DDI2: variants seen among roughly 807,000 people sequenced by gnomAD.
DDI2 encodes the protein DDI proteasomal shuttling factor 2.
In DDI2, 5 loss-of-function variants were observed where a neutral mutation model predicts 48.1. The ratio of observed to expected loss-of-function variants is 0.10; its 90% CI spans 0.05 to 0.22. The LOEUF is 0.22. Among genes scored for constraint, DDI2 ranks in the 10% least tolerant of loss-of-function variants. DDI2 has a pLI of 1.00. For missense variants in DDI2, 285 were observed against 506.2 expected, an observed-to-expected ratio of 0.56 and a Z score of 4.19; for synonymous variants, 205 against 183.6, an observed-to-expected ratio of 1.12 and a Z score of -0.94.
At chr1:15,627,541 G>A (rs1012712208) in intron 2 of DDI2, among the ~76,000 whole-genome samples, 1 of 152,142 alleles carries the variant, frequency 6.6e-6, no homozygotes, top group Non-Finnish European at 1.5e-5. Context: ...GATTTAGTAG[G>A]TTCTATGTCA....
At position 15,667,480 on chromosome 1, in the gene DDI2, C is replaced by T. The variant is rs927408569; in HGVS notation, c.*7690C>T. ...CATCCCTTTGTGAGCACGGCTGCTC[C>T]GGAATACTGACCATCTGGGCTAGCA... On this transcript the variant is annotated 3_prime_UTR_variant, in exon 10 of 10. Transcript: ENST00000480945. 5.3e-5 allele frequency: 8 copies of T among 152,222 alleles called. No homozygotes were observed. The highest frequency in any genetic ancestry group is 9.7e-5 in the African/African-American group (4 of 41,442). The allele number at this position is 152,222 out of a possible 1,614,324, so 9.4% of individuals were successfully genotyped here.
At chr1:15,634,700 T>G (rs748202081) in intron 4 of DDI2, among the ~76,000 whole-genome samples, 3 of 151,772 alleles carry the variant, frequency 2.0e-5, no homozygotes, top group Non-Finnish European at 4.4e-5. Flanking sequence ...CCCAGCTAAT[T>G]TTTTCATTTT....
In DDI2 at chr1:15,666,925, T is replaced by C. The variant is rs1269267799; in HGVS notation, c.*7135T>C. 2.6e-5 allele frequency: 4 copies of C among 152,198 alleles called. No homozygotes were observed. The highest frequency in any genetic ancestry group is 5.9e-5 in the Non-Finnish European group (4 of 68,046). 9.4% of individuals were successfully genotyped at this position (152,198 alleles called of 1,614,324 possible). A position where few individuals can be genotyped will look rare whatever the true frequency, so the allele number is the denominator to read the frequency against. On this transcript the variant is annotated 3_prime_UTR_variant, in exon 10 of 10. Transcript: ENST00000480945. ...AAACAGCTCTTTAAAAATCTATTTTTTTAGGCCAGGTGCGTTGGCTCACAC... is the reference window on the plus strand; with the variant it reads ...AAACAGCTCTTTAAAAATCTATTTTCTTAGGCCAGGTGCGTTGGCTCACAC...
chr1:15,623,557 C>CTTATTATTATTATTA (rs202147595), intron 1 of DDI2, among the ~76,000 whole-genome samples: 1,445 of 84,056 alleles, frequency 0.017, 24 homozygotes, highest in African/African-American at 0.054. Context: ...CCATGCCTGG[C>CTTATTATTATTATTA]TTATTATTAT....
chr1:15,634,658 A>G (rs1478008611), intron 4 of DDI2, among the ~76,000 whole-genome samples: 2 of 149,864 alleles, frequency 1.3e-5, no homozygotes, highest in African/African-American at 2.5e-5. Flanking sequence ...TAGCCTCCCG[A>G]ATAGCTGGGA....
intron 8 of DDI2, among the ~76,000 whole-genome samples, chr1:15,652,129 G>A (rs1430488038): frequency 7.2e-6 from 1 of 138,800 alleles, no homozygotes; most frequent in Admixed American, 7.6e-5. Flanking sequence ...GCAGTGTGCA[G>A]TGTGACATGA....
At chr1:15,656,758 A>T in intron 9 of DDI2, 79 bp downstream of exon 9, 1 of 1,591,642 alleles carries the variant, frequency 6.3e-7, no homozygotes, top group Non-Finnish European at 8.6e-7. Flanking sequence ...GCAGTTTGGG[A>T]AGTTAGCATT....
intron 6 of DDI2, among the ~76,000 whole-genome samples, chr1:15,649,080 T>C (rs1251986384): frequency 6.6e-6 from 1 of 151,926 alleles, no homozygotes; most frequent in Non-Finnish European, 1.5e-5. Context: ...CAAAAAGTTT[T>C]TGGCTGGGTG....
At chr1:15,647,462 A>G (rs918728904) in intron 6 of DDI2, among the ~76,000 whole-genome samples, 1 of 151,978 alleles carries the variant, frequency 6.6e-6, no homozygotes, top group African/African-American at 2.4e-5. Flanking sequence ...GATGTTTCCT[A>G]TTAGAACATG....
rs1294418413 is a variant in DDI2 at position 15,666,092 on chromosome 1, T to C, written c.*6302T>C. The C allele has an allele frequency of 2.0e-5, 3 of 152,182 alleles. No homozygotes were observed. Among genetic ancestry groups the C allele is most frequent in the African/African-American group, 7.2e-5 (3 of 41,440 alleles). The allele number at this position is 152,182 out of a possible 1,614,324, so 9.4% of individuals were successfully genotyped here. ...AAAATAAAAATAGCTTTTTTTTCCC[T>C]AGAATTGCTAATTACTCTTAACAAC... On this transcript the variant is annotated 3_prime_UTR_variant, in exon 10 of 10. Transcript: ENST00000480945.
chr1:15,660,119 C>T lies in DDI2; in HGVS notation c.*329C>T. ...GATCTTTCTGATCATGCTTCCTCAG[C>T]AGACCATGCTCCAACAGACCAGAGT... On this transcript the variant is annotated 3_prime_UTR_variant, in exon 10 of 10. Transcript: ENST00000480945. 1 of 1,614,210 alleles carries T rather than the reference C, an allele frequency of 6.2e-7. No individual in the cohort carries two copies. Among genetic ancestry groups the T allele is most frequent in the Non-Finnish European group, 8.5e-7 (1 of 1,180,040 alleles).
chr1:15,617,542 G>C lies in DDI2; in HGVS notation c.-129G>C. The C allele has an allele frequency of 1.4e-6, 1 of 694,920 alleles. No individual in the cohort carries two copies. The highest frequency in any genetic ancestry group is 2.0e-6 in the Non-Finnish European group (1 of 500,226). 43.0% of individuals were successfully genotyped at this position (694,920 alleles called of 1,614,324 possible). ...ACTCACTGAGCGTGTGTGAGGGAGG[G>C]AGCGAGCGAGCGAACGAGCAGCCGG... is the stretch of plus-strand genomic sequence containing the variant. On this transcript the variant is annotated 5_prime_UTR_variant, in exon 1 of 10. Coordinates refer to ENST00000480945, the MANE Select transcript of DDI2 (RefSeq NM_032341.5).
chr1:15,661,787 C>T lies in DDI2; in HGVS notation c.*1997C>T. The T allele has an allele frequency of 2.0e-6, 3 of 1,514,064 alleles. No homozygotes were observed. Among genetic ancestry groups the T allele is most frequent in the South Asian group, 1.3e-5 (1 of 74,740 alleles). The allele number at this position is 1,514,064 out of a possible 1,614,324, so 93.8% of individuals were successfully genotyped here. ...AACAAAAGAAAGCTCTCTCTATATA[C>T]ACGCACACATACACACTCACCACAT... is the stretch of plus-strand genomic sequence containing the variant. On this transcript the variant is annotated 3_prime_UTR_variant, in exon 10 of 10. Coordinates refer to ENST00000480945, the MANE Select transcript of DDI2 (RefSeq NM_032341.5).
chr1:15,643,289 G>A (rs1640039050), intron 5 of DDI2, among the ~76,000 whole-genome samples: 1 of 152,160 alleles, frequency 6.6e-6, no homozygotes, highest in Admixed American at 6.5e-5. Flanking sequence ...TTATTGCATC[G>A]CTACAGAATA....
chr1:15,633,645 C>T (rs1639882045), intron 4 of DDI2, 80 bp downstream of exon 4: 46 of 1,581,172 alleles, frequency 2.9e-5, no homozygotes, highest in Non-Finnish European at 3.5e-5. Context: ...ATTGGTTGGG[C>T]ATCTGCTTGG....
At chr1:15,641,243 G>A (rs1321992378) in intron 5 of DDI2, among the ~76,000 whole-genome samples, 1 of 151,150 alleles carries the variant, frequency 6.6e-6, no homozygotes, top group Non-Finnish European at 1.5e-5. Context: ...AGGCTGAGGC[G>A]GGTAGACCAT....
In DDI2 at chr1:15,633,952, C is replaced by T. The variant is rs542972069; in HGVS notation, c.632+387C>T. ...CTTTCTTTAGACATATTGTATAAGT[C>T]CTGATTAAATCCAGGGCTTAAACAT... is the stretch of plus-strand genomic sequence containing the variant. On this transcript the variant is annotated intron_variant, in intron 4 of 9. Coordinates refer to ENST00000480945, the MANE Select transcript of DDI2 (RefSeq NM_032341.5). The T allele has an allele frequency of 1.9e-4, 73 of 388,536 alleles. 1 individual carries two copies. The Middle Eastern group carries it at 4.0e-3, about 21-fold the overall frequency. 24.1% of individuals were successfully genotyped at this position (388,536 alleles called of 1,614,324 possible).
chr1:15,626,604 C>T, intron 1 of DDI2, 65 bp from the exon 2 acceptor site: 3 of 1,591,548 alleles, frequency 1.9e-6, no homozygotes, highest in Non-Finnish European at 2.6e-6. Context: ...GAAAACTGGT[C>T]CTTCTGCCTT....
In DDI2 at chr1:15,663,092, G is replaced by C. The variant is rs748484783; in HGVS notation, c.*3302G>C. On this transcript the variant is annotated 3_prime_UTR_variant, in exon 10 of 10. Transcript: ENST00000480945. ...AAACTGCTCTTTTGGGTACCTAGCA[G>C]GAATCTGAAGTCTTGGTTTTATTGA... 6.6e-6 allele frequency: 1 copy of C among 152,130 alleles called. No individual in the cohort carries two copies. The highest frequency in any genetic ancestry group is 6.6e-5 in the Admixed American group (1 of 15,266). 9.4% of individuals were successfully genotyped at this position (152,130 alleles called of 1,614,324 possible).
Sources: gnomAD v4.1 joint callset for allele counts (sites outside exome capture counted in the v4.1 genomes callset) on GRCh38, gnomAD v4.1.1 for gene constraint, MANE v1.5 for transcripts, NCBI Gene and HGNC (gene_info 2026-07-23, HGNC 2026-07-21) for gene names.